ENGASE: variants seen among roughly 807,000 people sequenced by gnomAD.
ENGASE encodes cytosolic endo-beta-N-acetylglucosaminidase.
ENGASE carries 69 observed loss-of-function variants against 78.5 expected under a neutral mutation model. That is an observed-to-expected ratio of 0.88 (90% confidence interval 0.72 to 1.07). The LOEUF (loss-of-function observed/expected upper bound fraction) is 1.07. Ranked by LOEUF, ENGASE falls within the 50% of genes least tolerant of loss-of-function variation. The pLI is 0.00. For missense variants in ENGASE, 943 were observed against 988.4 expected (o/e 0.95, Z 0.62); for synonymous variants, 408 against 408.9 (o/e 1.00, Z 0.03).
chr17:79,084,609 C>A lies in ENGASE; in HGVS notation c.1514C>A (p.Thr505Lys). The A allele has an allele frequency of 6.2e-7, 1 of 1,611,714 alleles. No individual in the cohort carries two copies. Among genetic ancestry groups the A allele is most frequent in the Non-Finnish European group, 8.5e-7 (1 of 1,179,170 alleles). Reference protein sequence around the residue: ...LSMVYKLEGPTDVTVALELTT... With the variant: ...LSMVYKLEGPKDVTVALELTT... ...ATGGTGTATAAGCTTGAGGGGCCCA[C>A]GGACGTCACAGTTGCTTTGGAGCTG... The change falls in exon 11 of 14, where the codon ACG (threonine) becomes AAG (lysine). Residue 505 changes from threonine to lysine, a missense_variant. Coordinates refer to ENST00000579016, the MANE Select transcript of ENGASE (RefSeq NM_001042573.3).
At position 79,080,300 on chromosome 17, in the gene ENGASE, TG is replaced by T; in HGVS notation, c.661del (p.Val221SerfsTer13). 1 of 1,614,004 alleles carries T rather than the reference TG, an allele frequency of 6.2e-7. No individual in the cohort carries two copies. The highest frequency in any genetic ancestry group is 8.5e-7 in the Non-Finnish European group (1 of 1,179,996). ...TCGTACCAGGCAGTGGCTGACCGGC[TG>T]GTCCAGATCACTCAGTTTTTTCGTT... ...ERSYQAVADR[L>X]VQITQFFRFD... On this transcript the variant is annotated frameshift_variant, in exon 5 of 14. Coordinates refer to ENST00000579016, the MANE Select transcript of ENGASE (RefSeq NM_001042573.3). LOFTEE classifies it high-confidence loss of function.
Position 79,083,262 on chromosome 17 carries a change from C to G in ENGASE, c.1142+139C>G. On this transcript the variant is annotated intron_variant, in intron 8 of 13. Coordinates refer to ENST00000579016, the MANE Select transcript of ENGASE (RefSeq NM_001042573.3). This position sits in a 1 kb window ranked among gnomAD's most constrained non-coding sequence, Gnocchi z 4.9. Reference sequence around the variant, plus strand: ...TAAGGGAGGATGACAGGGGAGGAAGCCAGCACCCTGGCTGCTTCCGGGCAG... The same window carrying G: ...TAAGGGAGGATGACAGGGGAGGAAGGCAGCACCCTGGCTGCTTCCGGGCAG... 1 of 766,420 alleles carries G rather than the reference C, an allele frequency of 1.3e-6. No homozygotes were observed. Among genetic ancestry groups the G allele is most frequent in the Non-Finnish European group, 2.1e-6 (1 of 475,796 alleles). 47.5% of individuals were successfully genotyped at this position (766,420 alleles called of 1,614,324 possible). A position where few individuals can be genotyped will look rare whatever the true frequency, so the allele number is the denominator to read the frequency against.
intron 1 of ENGASE, 72 bp from the exon 2 acceptor site, chr17:79,077,358 G>A: frequency 7.5e-7 from 1 of 1,326,808 alleles, no homozygotes; most frequent in South Asian, 1.3e-5. Context: ...GATGAAACTG[G>A]TCCATTTGCT....
At chr17:79,077,931 G>A in intron 3 of ENGASE, 67 bp downstream of exon 3, 1 of 1,308,376 alleles carries the variant, frequency 7.6e-7, no homozygotes, top group Non-Finnish European at 1.0e-6. Context: ...GGGCTGGAGG[G>A]GCGGGAGAGA....
chr17:79,077,109 G>T (rs185156895), intron 1 of ENGASE, among the ~76,000 whole-genome samples: 198 of 152,334 alleles, frequency 1.3e-3, no homozygotes, highest in South Asian at 2.5e-3. Flanking sequence ...GACCTCAGGT[G>T]ATTCGCCTGC....
Position 79,080,276 on chromosome 17 carries a change from C to T in ENGASE, c.635C>T (p.Ser212Leu), listed in dbSNP as rs780351614. The T allele has an allele frequency of 6.8e-5, 110 of 1,613,836 alleles. No individual in the cohort carries two copies. Among genetic ancestry groups the T allele is most frequent in the African/African-American group, 1.1e-4 (8 of 74,932 alleles). ...GCCTTCCTGGCCGGGGATGAGCGCT[C>T]GTACCAGGCAGTGGCTGACCGGCTG... Reference protein sequence around the residue: ...CEAFLAGDERSYQAVADRLVQ... With the variant: ...CEAFLAGDERLYQAVADRLVQ... The change falls in exon 5 of 14, where the codon TCG (serine) becomes TTG (leucine). Residue 212 changes from serine (S) to leucine (L), a missense_variant. By Grantham distance (145) the Ser-to-Leu change is moderately radical (BLOSUM62 -2). Transcript: ENST00000579016.
rs1245980695 is a variant in ENGASE at position 79,085,750 on chromosome 17, G to A, written c.1815+16G>A. ...AGAGATCCAGGTGATGCTTCCCAGA[G>A]GGGCTCGGGCTGGGCTGGCTGTTTG... On this transcript the variant is annotated intron_variant, in intron 13 of 13. Transcript: ENST00000579016. The A allele has an allele frequency of 6.2e-7, 1 of 1,611,942 alleles. No individual in the cohort carries two copies. Among genetic ancestry groups the A allele is most frequent in the Non-Finnish European group, 8.5e-7 (1 of 1,179,432 alleles).
chr17:79,081,610 A>C (rs1184985563), intron 6 of ENGASE, among the ~76,000 whole-genome samples: 1 of 152,030 alleles, frequency 6.6e-6, no homozygotes, highest in Non-Finnish European at 1.5e-5. Context: ...GGAACAGGCC[A>C]TATCCTAGGT....
At chr17:79,079,337 C>T in intron 3 of ENGASE, 152 bp from the exon 4 acceptor site, 1 of 817,042 alleles carries the variant, frequency 1.2e-6, no homozygotes, top group Non-Finnish European at 1.9e-6. Flanking sequence ...CTAATTTTTC[C>T]AGTTTTTGTG....
chr17:79,075,152 C>T, intron 1 of ENGASE, 62 bp downstream of exon 1: 3 of 1,195,160 alleles, frequency 2.5e-6, no homozygotes, highest in Non-Finnish European at 3.1e-6. Flanking sequence ...GGCCCCGGGG[C>T]CCGAGGTTTC....
Position 79,083,442 on chromosome 17 carries a change from C to A in ENGASE, c.1143-40C>A, listed in dbSNP as rs769559003. 3 of 1,514,360 alleles carry A rather than the reference C, an allele frequency of 2.0e-6. No homozygotes were observed. The highest frequency in any genetic ancestry group is 4.5e-5 in the East Asian group (2 of 44,038). The allele number at this position is 1,514,360 out of a possible 1,614,324, so 93.8% of individuals were successfully genotyped here. On this transcript the variant is annotated intron_variant, in intron 8 of 13. Transcript: ENST00000579016. The surrounding 1 kb of genome is among the most constrained non-coding windows in gnomAD (Gnocchi z 4.9). The stretch of plus-strand genomic sequence containing the variant: ...TGAGGGACACTGAGAGGCTCCCTCC[C>A]TTCCTCCGGACCGAGCTGTTGCCCC...
intron 3 of ENGASE, among the ~76,000 whole-genome samples, chr17:79,078,339 CAAAAAAA>C (rs1301145267): frequency 1.3e-5 from 2 of 151,680 alleles, no homozygotes; most frequent in Non-Finnish European, 2.9e-5. Flanking sequence ...GACTCTGTCT[CAAAAAAA>C]TAAAAAATAA....
In ENGASE at chr17:79,081,941, T is replaced by C. The variant is rs2073152215; in HGVS notation, c.916T>C (p.Trp306Arg). 1 of 1,613,906 alleles carries C rather than the reference T, an allele frequency of 6.2e-7. No individual in the cohort carries two copies. The highest frequency in any genetic ancestry group is 8.5e-7 in the Non-Finnish European group (1 of 1,179,990). The change falls in exon 7 of 14, where the codon TGG (tryptophan) becomes CGG (arginine). Residue 306 changes from tryptophan to arginine, a missense_variant. Physicochemically the swap from Trp to Arg is moderately radical, Grantham distance 101. Coordinates refer to ENST00000579016, the MANE Select transcript of ENGASE (RefSeq NM_001042573.3). ...SCDGFFTNYN[W>R]REEHLERMLG... ...CGACGGCTTCTTCACTAACTATAAC[T>C]GGCGGGAGGAGCACTTGGAGCGGAT...
rs1385149510 is a variant in ENGASE at position 79,086,173 on chromosome 17, T to A, written c.2056T>A (p.Phe686Ile). ...GCTGCCGAGGCCAGAGATGCCCATG[T>A]TCCTGGGGTTGGCTTTTGCCACCCA... ...RELPRPEMPM[F>I]LGLAFATQYR... is the part of the protein sequence containing the mutation. Residue 686 changes from phenylalanine to isoleucine, a missense_variant, in exon 14 of 14, where the codon TTC (phenylalanine) becomes ATC (isoleucine). Coordinates refer to ENST00000579016, the MANE Select transcript of ENGASE (RefSeq NM_001042573.3). 4 of 1,613,670 alleles carry A rather than the reference T, an allele frequency of 2.5e-6. No homozygotes were observed. The highest frequency in any genetic ancestry group is 3.4e-6 in the Non-Finnish European group (4 of 1,180,040).
At position 79,081,899 on chromosome 17, in the gene ENGASE, GTCT is replaced by G. The variant is rs768769329; in HGVS notation, c.879_881del (p.Phe294del). The G allele has an allele frequency of 2.4e-5, 38 of 1,610,004 alleles. No homozygotes were observed. The highest frequency in any genetic ancestry group is 4.0e-5 in the African/African-American group (3 of 74,720). The stretch of plus-strand genomic sequence containing the variant: ...CAGCAGGTCCTTGTTGCTTCTCAGG[GTCT>G]TCTTTGATTCCTGCGACGGCTTCTT... On this transcript the variant is annotated inframe_deletion and splice_region_variant, in exon 7 of 14. Transcript: ENST00000579016.
intron 1 of ENGASE, among the ~76,000 whole-genome samples, chr17:79,077,064 T>G (rs2145970739): frequency 6.6e-6 from 1 of 152,180 alleles, no homozygotes; most frequent in Admixed American, 6.5e-5. Context: ...AGAGATGGGG[T>G]TTTGCCATGT....
At position 79,087,447 on chromosome 17, in the gene ENGASE, C is replaced by A; in HGVS notation, c.*1098C>A. 5 of 203,226 alleles carry A rather than the reference C, an allele frequency of 2.5e-5. No homozygotes were observed. The highest frequency in any genetic ancestry group is 5.2e-5 in the Non-Finnish European group (5 of 96,860). 12.6% of individuals were successfully genotyped at this position (203,226 alleles called of 1,614,324 possible). A position where few individuals can be genotyped will look rare whatever the true frequency, so the allele number is the denominator to read the frequency against. On this transcript the variant is annotated 3_prime_UTR_variant, in exon 14 of 14. Transcript: ENST00000579016. The stretch of plus-strand genomic sequence containing the variant: ...TCCTGCTCTTTCTTCTCTGCCCAGG[C>A]CGCTGCAGCTGCACAGCCTCTGCTA...
At chr17:79,075,283 C>G (rs901214372) in intron 1 of ENGASE, among the ~76,000 whole-genome samples, 193 bp downstream of exon 1, 2 of 152,216 alleles carry the variant, frequency 1.3e-5, no homozygotes, top group South Asian at 2.1e-4. Flanking sequence ...GCGCCACTGC[C>G]GGGCAGCGGC....
chr17:79,079,698 C>G, intron 4 of ENGASE, 61 bp downstream of exon 4: 1 of 1,575,536 alleles, frequency 6.3e-7, no homozygotes, highest in South Asian at 1.2e-5. Flanking sequence ...GCCAGGGGAC[C>G]CCGTGATTAG....
Sources: gnomAD v4.1 joint callset for allele counts (sites outside exome capture counted in the v4.1 genomes callset) on GRCh38, gnomAD v4.1.1 for gene constraint, Gnocchi (gnomAD v3.1) non-coding constraint, MANE v1.5 for transcripts, NCBI Gene and HGNC (gene_info 2026-07-23, HGNC 2026-07-21) for gene names.